Variants in FAM53B observed in about 807,000 individuals in gnomAD.
FAM53B encodes the protein family with sequence similarity 53 member B.
Under a neutral mutation model 32.7 loss-of-function variants are expected in FAM53B, and 12 were observed. That is an observed-to-expected ratio of 0.37 (90% confidence interval 0.24 to 0.59). FAM53B has a LOEUF of 0.59. FAM53B is among the 20% of genes least tolerant of loss of function. The pLI, the probability that FAM53B is intolerant of heterozygous loss-of-function variation, is 0.72. For synonymous variants in FAM53B, 234 were observed against 228.7 expected, an observed-to-expected ratio of 1.02 and a Z score of -0.21; for missense variants, 477 against 577.7, an observed-to-expected ratio of 0.83 and a Z score of 1.79.
chr10:124,624,451 C>T (rs886192202), intron 4 of FAM53B, among the ~76,000 whole-genome samples: 16 of 152,312 alleles, frequency 1.1e-4, no homozygotes, highest in African/African-American at 3.6e-4. Context: ...GGTTCTGGTG[C>T]TCGCCAGCTG....
intron 3 of FAM53B, among the ~76,000 whole-genome samples, chr10:124,693,466 CA>C (rs60351967): frequency 0.076 from 7,230 of 94,686 alleles, 206 homozygotes; most frequent in East Asian, 0.17. Flanking sequence ...GACTCTGTCT[CA>C]AAAAAAAAAA....
At chr10:124,730,121 G>A (rs1229416689) in intron 1 of FAM53B, among the ~76,000 whole-genome samples, 1 of 152,220 alleles carries the variant, frequency 6.6e-6, no homozygotes, top group African/African-American at 2.4e-5. Context: ...TTGAATGAAT[G>A]AAGTAGTTCT....
intron 1 of FAM53B, among the ~76,000 whole-genome samples, chr10:124,730,885 T>A (rs1333149905): frequency 2.6e-5 from 4 of 152,154 alleles, no homozygotes; most frequent in Non-Finnish European, 5.9e-5. Context: ...GCAATAAATA[T>A]TTTAGGCTTT....
Position 124,623,110 on chromosome 10 carries a change from C to A in FAM53B, c.*132G>T. The A allele has an allele frequency of 8.0e-7, 1 of 1,256,448 alleles. No individual in the cohort carries two copies. The highest frequency in any genetic ancestry group is 1.5e-5 in the South Asian group (1 of 67,850). 77.8% of individuals were successfully genotyped at this position (1,256,448 alleles called of 1,614,324 possible). A position where few individuals can be genotyped will look rare whatever the true frequency, so the allele number is the denominator to read the frequency against. On this transcript the variant is annotated 3_prime_UTR_variant, in exon 5 of 5. Coordinates refer to ENST00000337318, the MANE Select transcript of FAM53B (RefSeq NM_014661.4). ...CCCAGGCAGCAGGTGGGCTCCCTCT[C>A]TGGGACCCGACACCACTCAGGAAGC...
At chr10:124,714,772 A>G (rs1011876303) in intron 1 of FAM53B, among the ~76,000 whole-genome samples, 1 of 151,786 alleles carries the variant, frequency 6.6e-6, no homozygotes, top group African/African-American at 2.4e-5. Flanking sequence ...AAAAAAAAAA[A>G]AAAAAAAGAA....
At chr10:124,630,537 G>C (rs1403001617) in intron 4 of FAM53B, among the ~76,000 whole-genome samples, 1 of 152,204 alleles carries the variant, frequency 6.6e-6, no homozygotes, top group African/African-American at 2.4e-5. Context: ...TCAGGAATCA[G>C]GGCAACACTG....
Position 124,620,355 on chromosome 10 carries a change from G to GC in FAM53B, c.*2886dup, listed in dbSNP as rs57254391. The GC allele has an allele frequency of 0.061, 7,902 of 130,122 alleles. 694 individuals are homozygous for GC. Among genetic ancestry groups the GC allele is most frequent in the African/African-American group, 0.14 (4,809 of 33,748 alleles). 8.1% of individuals were successfully genotyped at this position (130,122 alleles called of 1,614,324 possible). A position where few individuals can be genotyped will look rare whatever the true frequency, so the allele number is the denominator to read the frequency against. On this transcript the variant is annotated 3_prime_UTR_variant, in exon 5 of 5. Coordinates refer to ENST00000337318, the MANE Select transcript of FAM53B (RefSeq NM_014661.4). ...ATGAGTGGGGTGCATGTGGCACTAA[G>GC]CCCCCCCCACCGCCCCGGCTTTCCT... is the stretch of plus-strand genomic sequence containing the variant.
intron 4 of FAM53B, among the ~76,000 whole-genome samples, chr10:124,656,490 G>A (rs1379420031): frequency 6.6e-6 from 1 of 152,236 alleles, no homozygotes; most frequent in Non-Finnish European, 1.5e-5. Flanking sequence ...GTAGGGCACT[G>A]CTCCATCAGC....
chr10:124,706,933 C>T lies in FAM53B; in HGVS notation c.-174-46G>A, dbSNP rs112680802. ...CAAAAAGATTCAGGACTAAGAAAGA[C>T]GAGGGCCCTGAGAGTCACCCCTCCC... On this transcript the variant is annotated intron_variant, in intron 1 of 4. Coordinates refer to ENST00000337318, the MANE Select transcript of FAM53B (RefSeq NM_014661.4). 8.8e-4 allele frequency: 1,240 copies of T among 1,406,582 alleles called. 16 individuals are homozygous for T. The African/African-American group carries it at 0.015, about 17-fold the overall frequency. The allele number at this position is 1,406,582 out of a possible 1,614,324, so 87.1% of individuals were successfully genotyped here.
chr10:124,642,933 T>C (rs1949486650), intron 4 of FAM53B, among the ~76,000 whole-genome samples: 1 of 152,200 alleles, frequency 6.6e-6, no homozygotes, highest in African/African-American at 2.4e-5. Context: ...CTGTCTCCTC[T>C]AAGTAAGACC....
intron 1 of FAM53B, among the ~76,000 whole-genome samples, chr10:124,735,374 AG>A (rs1244682685): frequency 2.0e-5 from 3 of 152,262 alleles, no homozygotes; most frequent in Non-Finnish European, 2.9e-5. Flanking sequence ...TGGTAAAAAA[AG>A]ATTTCGTTTC....
chr10:124,650,822 CGAGA>C (rs1273210745), intron 4 of FAM53B, among the ~76,000 whole-genome samples: 1 of 152,092 alleles, frequency 6.6e-6, no homozygotes, highest in African/African-American at 2.4e-5. Context: ...CCATTTGTTT[CGAGA>C]GAGAGATGTG....
At chr10:124,657,841 A>G (rs1443084080) in intron 4 of FAM53B, among the ~76,000 whole-genome samples, 1 of 152,190 alleles carries the variant, frequency 6.6e-6, no homozygotes, top group Non-Finnish European at 1.5e-5. Context: ...AAATCCAATG[A>G]CTTGCTCAAA....
chr10:124,642,515 G>C (rs1949483418), intron 4 of FAM53B, among the ~76,000 whole-genome samples: 1 of 152,248 alleles, frequency 6.6e-6, no homozygotes, highest in African/African-American at 2.4e-5. Flanking sequence ...TGGCCCAACA[G>C]GCAGATGGGT....
At chr10:124,655,760 C>T (rs1436224592) in intron 4 of FAM53B, among the ~76,000 whole-genome samples, 1 of 152,226 alleles carries the variant, frequency 6.6e-6, no homozygotes, top group East Asian at 1.9e-4. Flanking sequence ...CGCAGAAGAT[C>T]CTTCTACTTC....
Position 124,619,405 on chromosome 10 carries a change from G to C in FAM53B, c.*3837C>G, listed in dbSNP as rs1949288456. On this transcript the variant is annotated 3_prime_UTR_variant, in exon 5 of 5. Coordinates refer to ENST00000337318, the MANE Select transcript of FAM53B (RefSeq NM_014661.4). ...GCCTGTGCGGGGAGGCCAGGCTGCA[G>C]GGGCGGGCAGACCCTGGGCCCCGGG... 1 of 152,566 alleles carries C rather than the reference G, an allele frequency of 6.6e-6. No homozygotes were observed. Among genetic ancestry groups the C allele is most frequent in the African/African-American group, 2.4e-5 (1 of 41,428 alleles). The allele number at this position is 152,566 out of a possible 1,614,324, so 9.5% of individuals were successfully genotyped here.
At chr10:124,718,877 A>T (rs1763510267) in intron 1 of FAM53B, among the ~76,000 whole-genome samples, 1 of 152,178 alleles carries the variant, frequency 6.6e-6, no homozygotes, top group Non-Finnish European at 1.5e-5. Context: ...AGAAATCCCC[A>T]TCTCTATAAA....
chr10:124,637,690 G>A (rs189636555), intron 4 of FAM53B, among the ~76,000 whole-genome samples: 27 of 152,294 alleles, frequency 1.8e-4, no homozygotes, highest in African/African-American at 5.3e-4. Flanking sequence ...CTAAAGGCCC[G>A]GTATCTCCAG....
chr10:124,623,448 C>A lies in FAM53B; in HGVS notation c.1063G>T (p.Val355Phe). Residue 355 changes from valine (V) to phenylalanine (F), a missense_variant, in exon 5 of 5, where the codon GTC becomes TTC. Coordinates refer to ENST00000337318, the MANE Select transcript of FAM53B (RefSeq NM_014661.4). ...AAGGAAGGGGGAAGAGGCTCAGGGA[C>A]CGGGGTCCCAGCGGGGGTCCTGCCC... ...PGGRTPAGTP[V>F]PEPLPPSFDD... 1 of 1,594,356 alleles carries A rather than the reference C, an allele frequency of 6.3e-7. No individual in the cohort carries two copies.
Sources: allele counts gnomAD v4.1 joint callset (sites outside exome capture counted in the v4.1 genomes callset), GRCh38; gene constraint gnomAD v4.1.1; transcripts MANE v1.5; gene names NCBI Gene and HGNC (gene_info 2026-07-23, HGNC 2026-07-21).